The following MGAM variants were observed in gnomAD, a reference collection of about 807,000 sequenced individuals.
MGAM encodes maltase-glucoamylase.
In MGAM, 253 loss-of-function variants were observed where a neutral mutation model predicts 358.8. The observed-to-expected ratio is 0.71, with a 90% confidence interval of 0.64 to 0.78. MGAM has a LOEUF of 0.78. Ranked by LOEUF, MGAM falls within the 30% of genes least tolerant of loss-of-function variation. The pLI, the probability that MGAM is intolerant of heterozygous loss-of-function variation, is 0.00. For synonymous variants in MGAM, 1,105 were observed against 1,227.1 expected (o/e 0.90, Z 2.08); for missense variants, 3,080 against 3,432.6 (o/e 0.90, Z 2.57).
chr7:142,083,449 A>G (rs751444504), intron 53 of MGAM, 36 bp downstream of exon 53: 3 of 1,412,626 alleles, frequency 2.1e-6, no homozygotes, highest in Admixed American at 3.8e-5. Flanking sequence ...AAGTACTTAT[A>G]TAGCACATTC....
At chr7:142,027,306 G>T in intron 9 of MGAM, 79 bp downstream of exon 9, 1 of 1,151,754 alleles carries the variant, frequency 8.7e-7, no homozygotes, top group Non-Finnish European at 1.3e-6. Flanking sequence ...TCATGTGCAA[G>T]TGTGACCCAC....
chr7:142,103,496 A>C (rs1436181352), intron 70 of MGAM, 57 bp downstream of exon 70: 7 of 1,419,184 alleles, frequency 4.9e-6, no homozygotes, highest in Non-Finnish European at 5.6e-6. Context: ...TGCCTAGTGC[A>C]GTGCCTGACT....
In MGAM at chr7:142,061,971, T is replaced by C. The variant is rs372306778; in HGVS notation, c.4123-597T>C. Among the ~76,000 whole-genome samples, 7 of 152,340 alleles carry C rather than the reference T, an allele frequency of 4.6e-5. No individual in the cohort carries two copies. In the East Asian group the frequency reaches 5.8e-4, roughly 13 times the overall value. ...CAGGTTAAGGTAAAAACACTGCTTT[T>C]ATTATGTGAGGGTAGAGGAAAATAA... On this transcript the variant is annotated intron_variant, in intron 34 of 70. Coordinates refer to ENST00000475668, the MANE Select transcript of MGAM (RefSeq NM_001365693.1).
chr7:142,096,611 C>G (rs185247051), intron 65 of MGAM, among the ~76,000 whole-genome samples, 196 bp downstream of exon 65: 109 of 152,312 alleles, frequency 7.2e-4, no homozygotes, highest in African/African-American at 2.6e-3. Context: ...TAAAATGAGC[C>G]TAACAATTCT....
chr7:142,022,433 C>G lies in MGAM; in HGVS notation c.876C>G (p.Pro292=), dbSNP rs782027619. The part of the protein sequence containing the change: ...TWPIFNRDTT[P]NGNGTNLYGA... ...CCATATTTAACAGAGACACAACTCC[C>G]AATGGAGTAAGCTTTCAAATGGGCC... The change falls in exon 7 of 71, where the codon CCC becomes CCG. Residue 292 remains proline, a synonymous_variant. Coordinates refer to ENST00000475668, the MANE Select transcript of MGAM (RefSeq NM_001365693.1). 2 of 1,612,646 alleles carry G rather than the reference C, an allele frequency of 1.2e-6. No homozygotes were observed. The highest frequency in any genetic ancestry group is 2.2e-5 in the South Asian group (2 of 90,910).
In MGAM at chr7:142,089,662, G is replaced by A. The variant is rs1470587565; in HGVS notation, c.6811-2251G>A. ...AAAAGTTAGCCAGGCGTGGTGGCAC[G>A]CGCCTGTAATCCCACTTAGGAGGCT... On this transcript the variant is annotated intron_variant, in intron 57 of 70. Coordinates refer to ENST00000475668, the MANE Select transcript of MGAM (RefSeq NM_001365693.1). Among the ~76,000 whole-genome samples, 31 of 145,106 alleles carry A rather than the reference G, an allele frequency of 2.1e-4. 2 individuals carry two copies. Among genetic ancestry groups the A allele is most frequent in the African/African-American group, 6.4e-4 (26 of 40,916 alleles).
chr7:142,041,613 G>A (rs758247333), intron 21 of MGAM, among the ~76,000 whole-genome samples: 3 of 151,372 alleles, frequency 2.0e-5, no homozygotes, highest in Non-Finnish European at 4.4e-5. Flanking sequence ...CTGGTTTCAC[G>A]TTACTTTAAC....
intron 23 of MGAM, 60 bp downstream of exon 23, chr7:142,050,344 T>A: frequency 6.5e-7 from 1 of 1,536,980 alleles, no homozygotes; most frequent in Non-Finnish European, 9.0e-7. Context: ...TTAGCACATC[T>A]GTGCTTGTGT....
intron 35 of MGAM, among the ~76,000 whole-genome samples, chr7:142,062,947 C>T (rs1270259766): frequency 1.3e-5 from 2 of 152,154 alleles, no homozygotes; most frequent in Non-Finnish European, 2.9e-5. Flanking sequence ...GCCTGTAATC[C>T]CAGCACTTTG....
At chr7:142,087,039 G>A (rs1485317946) in intron 57 of MGAM, among the ~76,000 whole-genome samples, 1 of 104,422 alleles carries the variant, frequency 9.6e-6, no homozygotes, top group African/African-American at 3.6e-5. Flanking sequence ...TTCCCACTGG[G>A]CGATACCTCC....
chr7:142,019,386 G>A, intron 4 of MGAM, 67 bp downstream of exon 4: 2 of 1,556,448 alleles, frequency 1.3e-6, no homozygotes, highest in Non-Finnish European at 1.7e-6. Flanking sequence ...TATCCCCCAG[G>A]GGCAGCCTGC....
Position 142,005,546 on chromosome 7 carries a change from C to A in MGAM, c.16C>A (p.Leu6Met). 1 of 1,552,192 alleles carries A rather than the reference C, an allele frequency of 6.4e-7. No homozygotes were observed. Among genetic ancestry groups the A allele is most frequent in the Non-Finnish European group, 8.7e-7 (1 of 1,151,610 alleles). Residue 6 changes from leucine (L) to methionine (M), a missense_variant, in exon 2 of 71, where the codon CTG becomes ATG. Leu to Met is a conservative substitution (Grantham distance 15, BLOSUM62 2). Coordinates refer to ENST00000475668, the MANE Select transcript of MGAM (RefSeq NM_001365693.1). ...CATTTTAGAGATGGCAAGAAAGAAG[C>A]TGAAAAAATTTACTACTTTGGAGAT... MARKK[L>M]KKFTTLEIVL...
intron 34 of MGAM, 71 bp from the exon 35 acceptor site, chr7:142,062,497 T>C: frequency 1.3e-6 from 2 of 1,529,736 alleles, no homozygotes; most frequent in Non-Finnish European, 1.8e-6. Context: ...GTGAGTTGCA[T>C]TCTCAGTAAG....
In MGAM at chr7:142,097,660, C is replaced by A; in HGVS notation, c.7749+11C>A. ...TATGATTACTACACGGTAAGTTTTT[C>A]TGAATGTTTATACAACACGGGAAAA... On this transcript the variant is annotated intron_variant, in intron 66 of 70. Transcript: ENST00000475668. The A allele has an allele frequency of 6.3e-7, 1 of 1,597,678 alleles. No individual in the cohort carries two copies. The highest frequency in any genetic ancestry group is 1.1e-5 in the South Asian group (1 of 90,712).
chr7:142,025,202 T>A, intron 8 of MGAM, 53 bp downstream of exon 8: 3 of 1,325,112 alleles, frequency 2.3e-6, no homozygotes, highest in Non-Finnish European at 3.3e-6. Flanking sequence ...TCAGTCCCTT[T>A]CTTACAGCAC....
chr7:142,056,893 A>G lies in MGAM; in HGVS notation c.3644A>G (p.Tyr1215Cys), dbSNP rs1563175031. 1.2e-6 allele frequency: 2 copies of G among 1,613,664 alleles called. No individual in the cohort carries two copies. The highest frequency in any genetic ancestry group is 1.7e-6 in the Non-Finnish European group (2 of 1,179,828). ...YRTTGGVLDF[Y>C]VFLGPTPELV... is the part of the protein sequence containing the mutation. ...ACCACAGGGGGAGTTCTGGACTTTT[A>G]TGTGTTCTTGGGGCCGACTCCAGAG... Residue 1215 changes from tyrosine (Y) to cysteine (C), a missense_variant, in exon 30 of 71, where the codon TAT becomes TGT. By Grantham distance (194) the Tyr-to-Cys change is radical. Transcript: ENST00000475668.
At chr7:142,101,917 AAAAG>A (rs1289935298) in intron 68 of MGAM, among the ~76,000 whole-genome samples, 58 of 151,710 alleles carry the variant, frequency 3.8e-4, no homozygotes, top group African/African-American at 1.4e-3. Context: ...TCAAAAAAAA[AAAAG>A]AAAGAAAGAA....
intron 4 of MGAM, among the ~76,000 whole-genome samples, chr7:142,020,628 G>A (rs773472248): frequency 5.1e-4 from 73 of 143,542 alleles, no homozygotes; most frequent in South Asian, 8.8e-4. Context: ...TTGAGAAGGA[G>A]CCTCACTCTG....
intron 35 of MGAM, 23 bp from the exon 36 acceptor site, chr7:142,063,476 A>G: frequency 6.2e-7 from 1 of 1,609,476 alleles, no homozygotes; most frequent in Non-Finnish European, 8.5e-7. Flanking sequence ...AAAGTGAGGT[A>G]TGTCTGTGTT....
Sources: gnomAD v4.1 joint callset for allele counts (sites outside exome capture counted in the v4.1 genomes callset) on GRCh38, gnomAD v4.1.1 for gene constraint, MANE v1.5 for transcripts, NCBI Gene and HGNC (gene_info 2026-07-23, HGNC 2026-07-21) for gene names.